ARSJ: variants seen among roughly 807,000 people sequenced by gnomAD.
The protein encoded by ARSJ is arylsulfatase J.
Under a neutral mutation model 35.9 loss-of-function variants are expected in ARSJ, and 26 were observed. The ratio of observed to expected loss-of-function variants is 0.72; its 90% CI spans 0.53 to 1.00. ARSJ has a LOEUF of 1.00. ARSJ is among the 50% of genes least tolerant of loss of function. The pLI, the probability that ARSJ is intolerant of heterozygous loss-of-function variation, is 0.00. For synonymous variants in ARSJ, 294 were observed against 267.6 expected (o/e 1.10, Z -0.96); for missense variants, 667 against 723.6 (o/e 0.92, Z 0.90).
intron 1 of ARSJ, among the ~76,000 whole-genome samples, chr4:113,910,568 G>T (rs1307749875): frequency 1.3e-5 from 2 of 152,004 alleles, no homozygotes; most frequent in Admixed American, 6.6e-5. Flanking sequence ...TATTCTGAAA[G>T]GTGTTTGCTT....
chr4:113,941,104 C>T (rs751221537), intron 1 of ARSJ, among the ~76,000 whole-genome samples: 1 of 151,996 alleles, frequency 6.6e-6, no homozygotes, highest in South Asian at 2.1e-4. Flanking sequence ...GAGCTGGGAA[C>T]ATTGCAGAGG....
intron 1 of ARSJ, among the ~76,000 whole-genome samples, chr4:113,950,883 T>C (rs1725824460): frequency 6.6e-6 from 1 of 152,108 alleles, no homozygotes; most frequent in South Asian, 2.1e-4. Flanking sequence ...TTGCATACAG[T>C]TGAAGCACTG....
At chr4:113,940,285 T>C (rs931977957) in intron 1 of ARSJ, among the ~76,000 whole-genome samples, 3 of 152,126 alleles carry the variant, frequency 2.0e-5, no homozygotes, top group Admixed American at 6.6e-5. Flanking sequence ...GTGGTACATA[T>C]ACAACATGGA....
chr4:113,932,347 C>T (rs1410759998), intron 1 of ARSJ, among the ~76,000 whole-genome samples: 2 of 151,996 alleles, frequency 1.3e-5, no homozygotes, highest in South Asian at 2.1e-4. Flanking sequence ...AAAAGTTAAA[C>T]TAGACATTAG....
At chr4:113,947,420 C>T (rs1725558797) in intron 1 of ARSJ, among the ~76,000 whole-genome samples, 1 of 151,082 alleles carries the variant, frequency 6.6e-6, no homozygotes, top group South Asian at 2.1e-4. Flanking sequence ...TTGGAGGTTG[C>T]AGTGAGCCGA....
chr4:113,978,472 A>C lies in ARSJ; in HGVS notation c.363T>G (p.Ile121Met). 6.2e-7 allele frequency: 1 copy of C among 1,613,520 alleles called. No individual in the cohort carries two copies. Among genetic ancestry groups the C allele is most frequent in the Non-Finnish European group, 8.5e-7 (1 of 1,179,640 alleles). ...TAAACTGACTCCTGGATGGTGTGCA[A>C]ATAGGCTGGACATAGTAGTTCTCCA... is the stretch of plus-strand genomic sequence containing the variant. Reference protein sequence around the residue: ...VKLENYYVQPICTPSRSQFIT... With the variant: ...VKLENYYVQPMCTPSRSQFIT... The change falls in exon 1 of 2, where the codon ATT becomes ATG. Residue 121 changes from isoleucine (I) to methionine (M), a missense_variant. Physicochemically the swap from Ile to Met is conservative, Grantham distance 10 (BLOSUM62 1). Transcript: ENST00000315366.
intron 1 of ARSJ, among the ~76,000 whole-genome samples, chr4:113,929,306 G>T (rs1724277612): frequency 6.6e-6 from 1 of 152,096 alleles, no homozygotes; most frequent in Non-Finnish European, 1.5e-5. Flanking sequence ...GGGTGTTGGG[G>T]TGGCTCCTGA....
At chr4:113,941,636 T>A (rs138656765) in intron 1 of ARSJ, among the ~76,000 whole-genome samples, 204 of 144,548 alleles carry the variant, frequency 1.4e-3, no homozygotes, top group African/African-American at 5.1e-3. Context: ...AAATATATAA[T>A]GTGTAAGGCA....
At chr4:113,971,387 G>T (rs7673392) in intron 1 of ARSJ, among the ~76,000 whole-genome samples, 1 of 152,024 alleles carries the variant, frequency 6.6e-6, no homozygotes, top group Non-Finnish European at 1.5e-5. Flanking sequence ...CAGCTATTTC[G>T]GAAACTCAAT....
chr4:113,953,649 G>GT (rs1725996570), intron 1 of ARSJ, among the ~76,000 whole-genome samples: 1 of 151,972 alleles, frequency 6.6e-6, no homozygotes, highest in Non-Finnish European at 1.5e-5. Context: ...GATCTATCTG[G>GT]TAAAAATGCA....
chr4:113,903,278 GATAGGCA>G lies in ARSJ; in HGVS notation c.789_795del (p.Ala264LysfsTer23). ...GCTTGCAGTGGTGAATGAACAGCTT[GATAGGCA>G]ATATATAAAAATATAGGCTTTGTGG... On this transcript the variant is annotated frameshift_variant, in exon 2 of 2. Transcript: ENST00000315366. LOFTEE classifies it high-confidence loss of function. 1 of 1,614,206 alleles carries G rather than the reference GATAGGCA, an allele frequency of 6.2e-7. No individual in the cohort carries two copies.
intron 1 of ARSJ, among the ~76,000 whole-genome samples, chr4:113,976,035 C>T (rs943691391): frequency 1.3e-5 from 2 of 152,142 alleles, no homozygotes; most frequent in Non-Finnish European, 2.9e-5. Flanking sequence ...CGCTTATTGA[C>T]AGGCTGACTG....
At chr4:113,974,492 A>G (rs1727472505) in intron 1 of ARSJ, among the ~76,000 whole-genome samples, 3 of 152,172 alleles carry the variant, frequency 2.0e-5, no homozygotes, top group African/African-American at 7.2e-5. Context: ...ACAATCATCT[A>G]AAGAGAAATT....
chr4:113,951,121 T>C (rs1324411133), intron 1 of ARSJ, among the ~76,000 whole-genome samples: 1 of 152,112 alleles, frequency 6.6e-6, no homozygotes. Flanking sequence ...TGTTACTTAG[T>C]AGTACAGCTG....
intron 1 of ARSJ, among the ~76,000 whole-genome samples, chr4:113,925,080 C>A (rs1440433090): frequency 6.6e-6 from 1 of 152,090 alleles, no homozygotes; most frequent in East Asian, 1.9e-4. Flanking sequence ...CTCCTGTATC[C>A]ATGCATACCT....
At position 113,903,133 on chromosome 4, in the gene ARSJ, TAA is replaced by T; in HGVS notation, c.939_940del (p.Tyr314TrpfsTer4). On this transcript the variant is annotated frameshift_variant, in exon 2 of 2. Coordinates refer to ENST00000315366, the MANE Select transcript of ARSJ (RefSeq NM_024590.4). LOFTEE classifies it high-confidence loss of function. ...GATAATGCTGTTGTTATAGAAACCA[TAA>T]GTCTTTAGAGCCAATGTCACGTTGT... is the stretch of plus-strand genomic sequence containing the variant. 6.2e-7 allele frequency: 1 copy of T among 1,614,186 alleles called. No homozygotes were observed. Among genetic ancestry groups the T allele is most frequent in the East Asian group, 2.2e-5 (1 of 44,880 alleles).
intron 1 of ARSJ, among the ~76,000 whole-genome samples, chr4:113,941,942 G>T (rs1562359080): frequency 6.6e-6 from 1 of 151,926 alleles, no homozygotes; most frequent in Non-Finnish European, 1.5e-5. Context: ...AGAAAGCAGA[G>T]GTTCAGGGGT....
chr4:113,956,544 G>A (rs1335365608), intron 1 of ARSJ, among the ~76,000 whole-genome samples: 1 of 152,010 alleles, frequency 6.6e-6, no homozygotes, highest in Admixed American at 6.6e-5. Context: ...AGAGCTCAAA[G>A]TGCAATGGAG....
chr4:113,947,789 T>C (rs1411261556), intron 1 of ARSJ, among the ~76,000 whole-genome samples: 2 of 152,186 alleles, frequency 1.3e-5, no homozygotes, highest in South Asian at 2.1e-4. Context: ...TGAGAAATTA[T>C]ATACTTTTTT....
Sources: gnomAD v4.1 joint callset for allele counts (sites outside exome capture counted in the v4.1 genomes callset) on GRCh38, gnomAD v4.1.1 for gene constraint, MANE v1.5 for transcripts, NCBI Gene and HGNC (gene_info 2026-07-23, HGNC 2026-07-21) for gene names.